The following MATR3 variants were observed in gnomAD, a reference collection of about 807,000 sequenced individuals.
The protein encoded by MATR3 is matrin 3.
In MATR3, 4 loss-of-function variants were observed where a neutral mutation model predicts 85.5. That is an observed-to-expected ratio of 0.05 (90% CI 0.02 to 0.11). MATR3 has a LOEUF of 0.11. Ranked by LOEUF, MATR3 falls within the 10% of genes least tolerant of loss-of-function variation. MATR3 has a pLI of 1.00. For synonymous variants in MATR3, 336 were observed against 343.1 expected (o/e 0.98, Z 0.23); for missense variants, 685 against 1,016.1 (o/e 0.67, Z 4.43).
chr5:139,281,314 A>G (rs192805013), intron 3 of MATR3, among the ~76,000 whole-genome samples: 159 of 149,600 alleles, frequency 1.1e-3, no homozygotes, highest in African/African-American at 3.8e-3. Flanking sequence ...AGCTAGGATT[A>G]CAGATGTCAC....
chr5:139,300,966 A>G (rs1310727006), intron 1 of MATR3, among the ~76,000 whole-genome samples: 1 of 152,116 alleles, frequency 6.6e-6, no homozygotes, highest in Non-Finnish European at 1.5e-5. Context: ...GGCGCCTGCC[A>G]CCACACCTGG....
chr5:139,302,062 C>T (rs1754473492), intron 1 of MATR3, among the ~76,000 whole-genome samples: 1 of 152,170 alleles, frequency 6.6e-6, no homozygotes, highest in African/African-American at 2.4e-5. Flanking sequence ...TTTCAGCCTT[C>T]CTGGCACTAC....
At chr5:139,324,747 A>C (rs1410692218) in intron 12 of MATR3, among the ~76,000 whole-genome samples, 2 of 152,210 alleles carry the variant, frequency 1.3e-5, no homozygotes, top group Non-Finnish European at 2.9e-5. Context: ...AGAAAAGATA[A>C]AATATGAATA....
intron 12 of MATR3, 82 bp from the exon 13 acceptor site, chr5:139,325,358 T>G (rs2036916158): frequency 6.3e-7 from 1 of 1,599,736 alleles, no homozygotes; most frequent in Admixed American, 1.7e-5. Flanking sequence ...ATGAGGAAGA[T>G]TCGGAACTTC....
At chr5:139,294,281 C>T (rs965011550) in intron 1 of MATR3, among the ~76,000 whole-genome samples, 1 of 152,198 alleles carries the variant, frequency 6.6e-6, no homozygotes, top group Non-Finnish European at 1.5e-5. Context: ...ATATCTAAGT[C>T]CTTGGGTAGC....
chr5:139,322,535 G>C (rs769577345), intron 11 of MATR3, 29 bp downstream of exon 11: 15 of 1,579,834 alleles, frequency 9.5e-6, no homozygotes, highest in Admixed American at 1.7e-5. Flanking sequence ...TCATATGTGT[G>C]AGTATATTCA....
At position 139,308,162 on chromosome 5, in the gene MATR3, G is replaced by A. The variant is rs780753769; in HGVS notation, c.747G>A (p.Glu249=). Residue 249 remains glutamate, a synonymous_variant, in exon 2 of 15, where the codon GAG becomes GAA. Transcript: ENST00000394805. ...TSHNYHKFDS[E]YERMGRGPGP... ...ATAACTATCATAAATTTGACAGTGA[G>A]TATGAGAGAATGGGACGTGGTCCTG... 1.2e-6 allele frequency: 2 copies of A among 1,614,106 alleles called. No homozygotes were observed. The highest frequency in any genetic ancestry group is 2.2e-5 in the South Asian group (2 of 91,078).
chr5:139,329,058 G>A (rs968640613), intron 14 of MATR3, among the ~76,000 whole-genome samples: 3 of 151,994 alleles, frequency 2.0e-5, no homozygotes, highest in Admixed American at 1.3e-4. Context: ...CTTGAATAGT[G>A]TCAGTTCAGT....
intron 3 of MATR3, among the ~76,000 whole-genome samples, chr5:139,287,979 G>A (rs1486922425): frequency 1.3e-5 from 2 of 152,290 alleles, no homozygotes; most frequent in Admixed American, 1.3e-4. Context: ...GGGAGGCCAA[G>A]GCAGCCAGAT....
In MATR3 at chr5:139,278,616, AAAC is replaced by A. The variant is rs1040074012; in HGVS notation, c.-256-431_-256-429del. ...GCAGGACCTCCCTGAATGTTGCATA[AAAC>A]AACTGAAAACACAGAAGGGGATTCC... is the stretch of plus-strand genomic sequence containing the variant. On this transcript the variant is annotated intron_variant, in intron 2 of 16. Transcript: ENST00000509990. The A allele has an allele frequency of 2.2e-5, 8 of 358,660 alleles. 1 individual carries two copies. The highest frequency in any genetic ancestry group is 1.0e-4 in the Admixed American group (3 of 28,584). The allele number at this position is 358,660 out of a possible 1,614,324, so 22.2% of individuals were successfully genotyped here.
At position 139,319,012 on chromosome 5, in the gene MATR3, C is replaced by G. The variant is rs759836286; in HGVS notation, c.1413C>G (p.Ser471=). 11 of 1,613,232 alleles carry G rather than the reference C, an allele frequency of 6.8e-6. No homozygotes were observed. In the South Asian group the frequency reaches 8.8e-5, roughly 13 times the overall value. ...GCAAGCCAGTGAGAGTTCATTTATCCCAGAAGTATAAAAGAATAAAGGTAA... is the reference window on the plus strand; with the variant it reads ...GCAAGCCAGTGAGAGTTCATTTATCGCAGAAGTATAAAAGAATAAAGGTAA... ...VFGKPVRVHL[S]QKYKRIKKPE... Residue 471 remains serine, a synonymous_variant, in exon 8 of 15, where the codon TCC becomes TCG. Transcript: ENST00000394805.
chr5:139,296,466 A>G (rs1048446466), intron 1 of MATR3, among the ~76,000 whole-genome samples: 2 of 152,234 alleles, frequency 1.3e-5, no homozygotes, highest in Non-Finnish European at 2.9e-5. Flanking sequence ...TGAATTTACC[A>G]CGAGAAATAA....
At position 139,329,493 on chromosome 5, in the gene MATR3, T is replaced by C. The variant is rs1756025468; in HGVS notation, c.*98T>C. 9.9e-7 allele frequency: 1 copy of C among 1,007,592 alleles called. No homozygotes were observed. The highest frequency in any genetic ancestry group is 1.5e-6 in the Non-Finnish European group (1 of 647,474). 62.4% of individuals were successfully genotyped at this position (1,007,592 alleles called of 1,614,324 possible). A position where few individuals can be genotyped will look rare whatever the true frequency, so the allele number is the denominator to read the frequency against. ...ACAATACTGATAGTTAGAAGAAAAC[T>C]ATTGTACTCTTTTGTTTTAGTGGAG... On this transcript the variant is annotated 3_prime_UTR_variant, in exon 15 of 15. Transcript: ENST00000394805.
At chr5:139,320,136 C>T (rs1375609005) in intron 9 of MATR3, among the ~76,000 whole-genome samples, 1 of 151,358 alleles carries the variant, frequency 6.6e-6, no homozygotes, top group African/African-American at 2.4e-5. Context: ...GTGAAACCCC[C>T]TCTCTCCTAA....
chr5:139,324,708 T>C (rs976250865), intron 12 of MATR3, among the ~76,000 whole-genome samples: 1 of 152,226 alleles, frequency 6.6e-6, no homozygotes, highest in Non-Finnish European at 1.5e-5. Context: ...TCAAGTTTTT[T>C]ACACATTGCC....
At chr5:139,322,403 T>C (rs1755617854) in intron 10 of MATR3, 60 bp from the exon 11 acceptor site, 1 of 1,427,900 alleles carries the variant, frequency 7.0e-7, no homozygotes. Context: ...AATTATTAAT[T>C]CACTGGATAA....
chr5:139,276,543 T>C (rs918010812), intron 2 of MATR3, among the ~76,000 whole-genome samples: 25 of 152,226 alleles, frequency 1.6e-4, no homozygotes, highest in Admixed American at 1.2e-3. Context: ...GTTTAATCTG[T>C]GAGAGCATGA....
intron 14 of MATR3, among the ~76,000 whole-genome samples, chr5:139,328,515 G>A (rs1026794436): frequency 6.6e-6 from 1 of 152,072 alleles, no homozygotes; most frequent in African/African-American, 2.4e-5. Context: ...AGCTACACTC[G>A]TGGCTCAGTC....
rs573060775 is a variant in MATR3 at position 139,330,127 on chromosome 5, T to A, written c.*732T>A. On this transcript the variant is annotated 3_prime_UTR_variant, in exon 15 of 15. Transcript: ENST00000394805. Reference sequence around the variant, plus strand: ...CTGCTTGTCACTTGAATCCCGTGATTGTCATACATCTCTGGTATAAGCAAC... The same window carrying A: ...CTGCTTGTCACTTGAATCCCGTGATAGTCATACATCTCTGGTATAAGCAAC... 10 of 454,550 alleles carry A rather than the reference T, an allele frequency of 2.2e-5. No homozygotes were observed. Among genetic ancestry groups the A allele is most frequent in the Non-Finnish European group, 4.0e-5 (9 of 226,784 alleles). 28.2% of individuals were successfully genotyped at this position (454,550 alleles called of 1,614,324 possible).
Sources: allele counts gnomAD v4.1 joint callset (sites outside exome capture counted in the v4.1 genomes callset), GRCh38; gene constraint gnomAD v4.1.1; transcripts MANE v1.5; gene names NCBI Gene and HGNC (gene_info 2026-07-23, HGNC 2026-07-21).